Variants in ANK2 observed in about 807,000 individuals in gnomAD.
ANK2 encodes ankyrin-2.
Under a neutral mutation model 360.5 loss-of-function variants are expected in ANK2, and 83 were observed. The ratio of observed to expected loss-of-function variants is 0.23; its 90% confidence interval spans 0.19 to 0.28. The LOEUF is 0.28. ANK2 is among the 10% of genes least tolerant of loss of function. The probability of loss-of-function intolerance (pLI) is 1.00; values close to 1 mark genes in which losing one functional copy is unlikely to be tolerated. For synonymous variants in ANK2, 1,740 were observed against 1,759.5 expected (o/e 0.99, Z 0.28); for missense variants, 4,201 against 4,795.7 (o/e 0.88, Z 3.66).
At chr4:113,161,967 C>A (rs1201120241) in intron 1 of ANK2, among the ~76,000 whole-genome samples, 3 of 152,108 alleles carry the variant, frequency 2.0e-5, no homozygotes, top group Non-Finnish European at 2.9e-5. Context: ...TTAGTCCATG[C>A]CCGTCTCTTG....
At chr4:113,367,535 C>T in intron 41 of ANK2, 31 bp from the exon 42 acceptor site, 1 of 1,609,468 alleles carries the variant, frequency 6.2e-7, no homozygotes, top group East Asian at 2.2e-5. Context: ...AGGTAAGCTT[C>T]AACTAAATAC....
At chr4:113,229,748 T>C (rs908766051) in intron 4 of ANK2, among the ~76,000 whole-genome samples, 3 of 152,072 alleles carry the variant, frequency 2.0e-5, no homozygotes, top group African/African-American at 7.2e-5. Context: ...CCAGAGGAAG[T>C]CCCTCTAAAG....
At chr4:113,247,519 G>C (rs1248781254) in intron 9 of ANK2, among the ~76,000 whole-genome samples, 1 of 152,142 alleles carries the variant, frequency 6.6e-6, no homozygotes, top group East Asian at 1.9e-4. Context: ...TACTCTGAGA[G>C]TATTTTGGAT....
chr4:112,950,401 T>G (rs942965935), intron 2 of ANK2, among the ~76,000 whole-genome samples: 1 of 151,858 alleles, frequency 6.6e-6, no homozygotes, highest in African/African-American at 2.4e-5. Flanking sequence ...TCCCAGCACT[T>G]TGGGAGGCTG....
At chr4:113,329,576 G>C (rs1348655930) in intron 26 of ANK2, among the ~76,000 whole-genome samples, 1 of 152,104 alleles carries the variant, frequency 6.6e-6, no homozygotes, top group Non-Finnish European at 1.5e-5. Context: ...AATGGTGTAT[G>C]GGCGGGCCTA....
chr4:113,056,557 G>A (rs2069964113), intron 1 of ANK2, among the ~76,000 whole-genome samples: 1 of 151,888 alleles, frequency 6.6e-6, no homozygotes, highest in Non-Finnish European at 1.5e-5. Context: ...GACACTGGTC[G>A]GATACATCAC....
At chr4:112,965,127 T>G (rs1259849090) in intron 2 of ANK2, among the ~76,000 whole-genome samples, 2 of 152,184 alleles carry the variant, frequency 1.3e-5, no homozygotes, top group African/African-American at 2.4e-5. Context: ...AATAGTATAT[T>G]AAGATTCCCT....
the ANK2 span, among the ~76,000 whole-genome samples, chr4:112,719,481 C>T: frequency 2.0e-5 from 3 of 152,096 alleles, no homozygotes; most frequent in Non-Finnish European, 4.4e-5. Context: ...GTAATCCCAG[C>T]ACTTTGGGAG....
intron 2 of ANK2, among the ~76,000 whole-genome samples, chr4:112,914,059 C>A (rs1289943431): frequency 6.6e-6 from 1 of 151,804 alleles, no homozygotes; most frequent in Non-Finnish European, 1.5e-5. Context: ...TTTTTATTAC[C>A]CTCCTTTTGT....
chr4:112,776,361 CAA>C, the ANK2 span, among the ~76,000 whole-genome samples: 1 of 152,114 alleles, frequency 6.6e-6, no homozygotes, highest in African/African-American at 2.4e-5. Context: ...GAAAATGTGA[CAA>C]GACAAAAAGG....
At chr4:113,001,761 C>A (rs553562291) in intron 2 of ANK2, among the ~76,000 whole-genome samples, 14 of 152,206 alleles carry the variant, frequency 9.2e-5, no homozygotes, top group Admixed American at 2.6e-4. Flanking sequence ...TGTCCTCAGG[C>A]TTCTCTCCTC....
chr4:112,811,464 G>C, the ANK2 span, among the ~76,000 whole-genome samples: 1 of 152,094 alleles, frequency 6.6e-6, no homozygotes, highest in African/African-American at 2.4e-5. Context: ...ACAATACTTA[G>C]TTGTGTTACT....
At chr4:113,380,862 G>A (rs1394116924) in intron 45 of ANK2, among the ~76,000 whole-genome samples, 1 of 152,144 alleles carries the variant, frequency 6.6e-6, no homozygotes, top group African/African-American at 2.4e-5. Flanking sequence ...TGAAGCCTTA[G>A]AGACCTGGGC....
intron 1 of ANK2, among the ~76,000 whole-genome samples, chr4:113,154,341 A>G (rs1405504513): frequency 3.3e-5 from 5 of 152,346 alleles, no homozygotes; most frequent in South Asian, 2.1e-4. Context: ...GTAAGGTACT[A>G]TAAGACAATG....
chr4:112,811,082 C>A, the ANK2 span, among the ~76,000 whole-genome samples: 1 of 151,968 alleles, frequency 6.6e-6, no homozygotes, highest in South Asian at 2.1e-4. Flanking sequence ...ACTACAGGGG[C>A]CTGCCACCAT....
intron 1 of ANK2, among the ~76,000 whole-genome samples, chr4:112,844,699 G>T (rs1281665622): frequency 6.6e-6 from 1 of 152,224 alleles, no homozygotes; most frequent in Non-Finnish European, 1.5e-5. Context: ...ATTTAGGAGT[G>T]AGCCTAGTTC....
rs559235404 is a variant in ANK2, at chr4:113,208,893, A to G, written c.384+9784A>G. Reference sequence around the variant, plus strand: ...ATCCCTAAAAGAAATATAAGTGGTTATTACATCATTTGATGTAAATGGTTA... The same window carrying G: ...ATCCCTAAAAGAAATATAAGTGGTTGTTACATCATTTGATGTAAATGGTTA... On this transcript the variant is annotated intron_variant, in intron 4 of 45. Transcript: ENST00000357077. 8.4e-4 allele frequency among the ~76,000 whole-genome samples: 127 copies of G among 152,036 alleles called. 4 individuals carry two copies. The highest frequency in any genetic ancestry group is 2.9e-3 in the African/African-American group (118 of 41,312).
At chr4:113,119,406 C>T (rs983226654) in intron 1 of ANK2, among the ~76,000 whole-genome samples, 20 of 140,390 alleles carry the variant, frequency 1.4e-4, no homozygotes, top group African/African-American at 5.3e-4. Flanking sequence ...CACACATAAG[C>T]ACTGAACCAG....
intron 1 of ANK2, among the ~76,000 whole-genome samples, chr4:112,818,435 G>A (rs1312975348): frequency 1.3e-5 from 2 of 152,154 alleles, no homozygotes; most frequent in East Asian, 3.8e-4. Flanking sequence ...ATGTGCAAAT[G>A]TTCCCCAGCC....
Sources: gnomAD v4.1 joint callset for allele counts (sites outside exome capture counted in the v4.1 genomes callset) on GRCh38, gnomAD v4.1.1 for gene constraint, MANE v1.5 for transcripts, NCBI Gene and HGNC (gene_info 2026-07-23, HGNC 2026-07-21) for gene names.